Variants in EDEM2 observed in about 807,000 individuals in gnomAD.
EDEM2 encodes the protein ER degradation enhancing alpha-mannosidase like protein 2.
A neutral mutation model predicts 64.8 loss-of-function variants in EDEM2; 39 were observed. That is an observed-to-expected ratio of 0.60 (90% CI 0.47 to 0.79). The LOEUF (loss-of-function observed/expected upper bound fraction) is 0.79. EDEM2 is among the 30% of genes least tolerant of loss of function. The pLI is 0.00. For missense variants in EDEM2, 609 were observed against 731.3 expected (o/e 0.83, Z 1.93); for synonymous variants, 296 against 291.5 (o/e 1.02, Z -0.16).
intron 7 of EDEM2, among the ~76,000 whole-genome samples, chr20:35,127,787 T>C (rs1444022546): frequency 6.6e-6 from 1 of 152,212 alleles, no homozygotes; most frequent in Non-Finnish European, 1.5e-5. Context: ...ATAAACTCTA[T>C]ATACAGTCAT....
chr20:35,137,749 G>A (rs1311853875), intron 5 of EDEM2, 131 bp downstream of exon 5: 2 of 1,330,752 alleles, frequency 1.5e-6, no homozygotes, highest in Non-Finnish European at 2.0e-6. Flanking sequence ...GTGGGTGCCT[G>A]GTGGGTAGAA....
intron 5 of EDEM2, among the ~76,000 whole-genome samples, chr20:35,136,041 A>G (rs936321500): frequency 1.3e-5 from 2 of 152,202 alleles, no homozygotes; most frequent in Non-Finnish European, 2.9e-5. Flanking sequence ...AGAGCAGCCT[A>G]TGCGTCACCA....
chr20:35,136,918 G>A (rs1349680984), intron 5 of EDEM2, among the ~76,000 whole-genome samples: 12 of 152,136 alleles, frequency 7.9e-5, no homozygotes, highest in African/African-American at 2.7e-4. Context: ...ACTGAGCCTG[G>A]TGTTACTGCC....
chr20:35,136,368 G>A (rs1182388731), intron 5 of EDEM2, among the ~76,000 whole-genome samples: 3 of 152,116 alleles, frequency 2.0e-5, no homozygotes, highest in African/African-American at 7.2e-5. Context: ...GCAAGGAGAC[G>A]CTCAAGCCAT....
chr20:35,146,779 C>CAG, intron 2 of EDEM2, 46 bp downstream of exon 2: 1 of 1,597,950 alleles, frequency 6.3e-7, no homozygotes, highest in Non-Finnish European at 8.5e-7. Context: ...CGCCGAGGCC[C>CAG]AGAGAGTCAG....
intron 7 of EDEM2, among the ~76,000 whole-genome samples, chr20:35,131,321 C>T (rs1160455869): frequency 1.3e-5 from 2 of 152,118 alleles, no homozygotes; most frequent in Non-Finnish European, 2.9e-5. Flanking sequence ...GAGGCCAAGG[C>T]GGGCAGATCA....
At chr20:35,138,392 C>T (rs1388248351) in intron 4 of EDEM2, among the ~76,000 whole-genome samples, 1 of 152,086 alleles carries the variant, frequency 6.6e-6, no homozygotes, top group African/African-American at 2.4e-5. Flanking sequence ...GATAAAGTGA[C>T]TTGCCCCAGG....
chr20:35,147,077 G>A, intron 1 of EDEM2, 75 bp downstream of exon 1: 1 of 1,553,156 alleles, frequency 6.4e-7, no homozygotes, highest in East Asian at 2.4e-5. Context: ...GTCGGGGTCT[G>A]GGATGGACGG....
In EDEM2 at chr20:35,138,580, C is replaced by CT. The variant is rs1199947248; in HGVS notation, c.365-576dup. On this transcript the variant is annotated intron_variant, in intron 4 of 10. Transcript: ENST00000374492. ...TCAACTTATTATGCAATATGTAGAA[C>CT]TTTTTTTTTTTTTTTTTGAGACGGA... 8.6e-3 allele frequency among the ~76,000 whole-genome samples: 1,206 copies of CT among 140,772 alleles called. 15 individuals are homozygous for CT. The highest frequency in any genetic ancestry group is 0.025 in the African/African-American group (951 of 38,646). 92.4% of individuals were successfully genotyped at this position (140,772 alleles called of 152,430 possible).
intron 10 of EDEM2, among the ~76,000 whole-genome samples, chr20:35,117,776 G>C (rs1428610264): frequency 6.6e-6 from 1 of 152,012 alleles, no homozygotes; most frequent in African/African-American, 2.4e-5. Context: ...TGCCTGCTTG[G>C]TTCCTGCATG....
intron 10 of EDEM2, chr20:35,118,367 G>A: frequency 1.9e-6 from 1 of 537,946 alleles, no homozygotes; most frequent in Non-Finnish European, 3.3e-6. Flanking sequence ...CCGGGGTCAA[G>A]ATCCCAAGGA....
chr20:35,117,600 T>C (rs547812610), intron 10 of EDEM2, among the ~76,000 whole-genome samples: 2 of 151,998 alleles, frequency 1.3e-5, no homozygotes, highest in African/African-American at 4.8e-5. Context: ...GTAGGTCTTC[T>C]CTCTTCCCCT....
intron 7 of EDEM2, among the ~76,000 whole-genome samples, chr20:35,130,427 T>C (rs1048460111): frequency 2.0e-5 from 3 of 152,110 alleles, no homozygotes; most frequent in African/African-American, 4.8e-5. Context: ...TAACTAATAA[T>C]AAAGCAGAAC....
At chr20:35,132,012 C>T (rs1489514352) in intron 6 of EDEM2, among the ~76,000 whole-genome samples, 1 of 152,126 alleles carries the variant, frequency 6.6e-6, no homozygotes, top group East Asian at 1.9e-4. Context: ...CTTAATTATA[C>T]ACATTGAGCA....
intron 4 of EDEM2, among the ~76,000 whole-genome samples, 182 bp downstream of exon 4, chr20:35,142,191 T>A (rs538440079): frequency 6.6e-6 from 1 of 152,274 alleles, no homozygotes; most frequent in South Asian, 2.1e-4. Flanking sequence ...CTGAAACTGA[T>A]GGGGAAATCC....
chr20:35,132,594 C>T (rs893055021), intron 6 of EDEM2, among the ~76,000 whole-genome samples: 2 of 152,144 alleles, frequency 1.3e-5, no homozygotes, highest in Non-Finnish European at 2.9e-5. Flanking sequence ...GGGGAGGTTG[C>T]AGTGAGCCGA....
intron 8 of EDEM2, among the ~76,000 whole-genome samples, chr20:35,125,740 T>C (rs949729686): frequency 2.6e-5 from 4 of 152,112 alleles, no homozygotes; most frequent in African/African-American, 4.8e-5. Flanking sequence ...GTGGGACTAC[T>C]TTTTCTTAAA....
intron 9 of EDEM2, 31 bp downstream of exon 9, chr20:35,123,859 G>A (rs1311868239): frequency 6.2e-7 from 1 of 1,610,088 alleles, no homozygotes; most frequent in Non-Finnish European, 8.5e-7. Flanking sequence ...CAGAGCCTGT[G>A]GGCAGATGAC....
chr20:35,131,507 A>C (rs938057761), intron 7 of EDEM2, 135 bp downstream of exon 7: 8 of 1,054,124 alleles, frequency 7.6e-6, no homozygotes, highest in Non-Finnish European at 9.6e-6. Flanking sequence ...CAGAGGTTGC[A>C]GTGAGCCTAG....
Sources: allele counts gnomAD v4.1 joint callset (sites outside exome capture counted in the v4.1 genomes callset), GRCh38; gene constraint gnomAD v4.1.1; transcripts MANE v1.5; gene names NCBI Gene and HGNC (gene_info 2026-07-23, HGNC 2026-07-21).